KASH5: variants seen among roughly 807,000 people sequenced by gnomAD.
KASH5 encodes protein KASH5.
In KASH5, 72 loss-of-function variants were observed where a neutral mutation model predicts 84.2. The observed-to-expected ratio is 0.85, with a 90% confidence interval of 0.71 to 1.04. The LOEUF (loss-of-function observed/expected upper bound fraction) is 1.04, where lower values mean the gene tolerates loss of function less well. Ranked by LOEUF, KASH5 falls within the 50% of genes least tolerant of loss-of-function variation. The pLI, the probability that KASH5 is intolerant of heterozygous loss-of-function variation, is 0.00. For missense variants in KASH5, 650 were observed against 701.0 expected (o/e 0.93, Z 0.82); for synonymous variants, 260 against 279.1 (o/e 0.93, Z 0.68).
chr19:49,417,195 T>C lies in KASH5; in HGVS notation c.1476T>C (p.Pro492=), dbSNP rs778911372. ...ARRELQQALV[P]VMKKLVPVRR... is the part of the protein sequence containing the mutation. ...GGGAACTCCAGCAAGCCCTGGTGCC[T>C]GTGATGAAAAAGCTGGTCCCAGTCA... is the stretch of plus-strand genomic sequence containing the variant. The change falls in exon 19 of 20, where the codon CCT becomes CCC. Residue 492 remains proline, a synonymous_variant. Transcript: ENST00000447857. The surrounding 1 kb of genome is among the most constrained non-coding windows in gnomAD (Gnocchi z 5.2). The C allele has an allele frequency of 1.2e-6, 2 of 1,613,886 alleles. No individual in the cohort carries two copies. Among genetic ancestry groups the C allele is most frequent in the African/African-American group, 2.7e-5 (2 of 75,030 alleles).
chr19:49,405,893 T>C (rs1414061335), intron 9 of KASH5, among the ~76,000 whole-genome samples: 1 of 148,720 alleles, frequency 6.7e-6, no homozygotes, highest in African/African-American at 2.5e-5. Flanking sequence ...GAGGCAGAGG[T>C]TGCAGTGAAC....
At chr19:49,411,797 G>A (rs1460609371) in intron 15 of KASH5, among the ~76,000 whole-genome samples, 1 of 152,098 alleles carries the variant, frequency 6.6e-6, no homozygotes, top group East Asian at 1.9e-4. Flanking sequence ...ATGGGCCTGT[G>A]GGAGCCCAGA....
At chr19:49,398,565 C>G (rs1974261114) in intron 7 of KASH5, among the ~76,000 whole-genome samples, 1 of 152,072 alleles carries the variant, frequency 6.6e-6, no homozygotes, top group Non-Finnish European at 1.5e-5. Context: ...AATGAGTTCT[C>G]ACTGTGTTGC....
At chr19:49,392,040 G>A (rs1156902278) in intron 2 of KASH5, among the ~76,000 whole-genome samples, 1 of 152,190 alleles carries the variant, frequency 6.6e-6, no homozygotes, top group Admixed American at 6.6e-5. Flanking sequence ...TCTAGTGACA[G>A]CCATCTAAAC....
chr19:49,417,302 G>A lies in KASH5; in HGVS notation c.1547+36G>A, dbSNP rs1400469732. 13 of 1,594,600 alleles carry A rather than the reference G, an allele frequency of 8.2e-6. No homozygotes were observed. Among genetic ancestry groups the A allele is most frequent in the Non-Finnish European group, 1.0e-5 (12 of 1,170,350 alleles). ...AGGCGTCTCCAGAAGGAAGGAGGTG[G>A]TCTGACATTGGGAAGAGCAGGGGCT... On this transcript the variant is annotated intron_variant, in intron 19 of 19. Transcript: ENST00000447857. This position sits in a 1 kb window ranked among gnomAD's most constrained non-coding sequence, Gnocchi z 5.2.
chr19:49,408,764 A>G (rs540043702), intron 12 of KASH5, among the ~76,000 whole-genome samples: 1 of 152,248 alleles, frequency 6.6e-6, no homozygotes, highest in South Asian at 2.1e-4. Flanking sequence ...CCTGTGCTTT[A>G]GCTTCTGGAT....
At chr19:49,398,372 C>CT (rs764459352) in intron 7 of KASH5, among the ~76,000 whole-genome samples, 2,077 of 143,016 alleles carry the variant, frequency 0.015, 52 homozygotes, top group African/African-American at 0.045. Context: ...CTCTCTCTCT[C>CT]TTTTTTTTTT....
rs1974851003 is a variant in KASH5, at chr19:49,414,890, A to C, written c.1329-61A>C. On this transcript the variant is annotated intron_variant, in intron 16 of 19. Transcript: ENST00000447857. The surrounding 1 kb of genome is among the most constrained non-coding windows in gnomAD (Gnocchi z 4.5). ...CTCCAAGGCTTCTCTCCCAGCCCAT[A>C]GTAGGCAAAGGGAACCAGGGAGAAG... 6.3e-7 allele frequency: 1 copy of C among 1,576,486 alleles called. No homozygotes were observed. The highest frequency in any genetic ancestry group is 8.6e-7 in the Non-Finnish European group (1 of 1,158,976).
In KASH5 at chr19:49,391,612, C is replaced by T. The variant is rs536273977; in HGVS notation, c.43+686C>T. On this transcript the variant is annotated intron_variant, in intron 2 of 19. Coordinates refer to ENST00000447857, the MANE Select transcript of KASH5 (RefSeq NM_144688.5). ...ATGTATCCAGATAATCTGTTTTTTT[C>T]ATACTAAGCCCTAAAGATCTAGCGT... 5.3e-4 allele frequency: 81 copies of T among 151,966 alleles called. 1 individual carries two copies. The highest frequency in any genetic ancestry group is 1.9e-3 in the African/African-American group (80 of 41,390). The allele number at this position is 151,966 out of a possible 1,614,324, so 9.4% of individuals were successfully genotyped here. A position where few individuals can be genotyped will look rare whatever the true frequency, so the allele number is the denominator to read the frequency against.
intron 6 of KASH5, 106 bp downstream of exon 6, chr19:49,397,823 G>A: frequency 3.4e-6 from 5 of 1,472,148 alleles, no homozygotes; most frequent in Non-Finnish European, 4.7e-6. Flanking sequence ...ATGAATGAGG[G>A]ACGGGGCTTT....
At chr19:49,393,323 A>G (rs1264974927) in intron 2 of KASH5, 2 of 152,264 alleles carry the variant, frequency 1.3e-5, no homozygotes, top group Non-Finnish European at 2.9e-5. Flanking sequence ...GCCTTTCTAG[A>G]TTGTATCTCA....
In KASH5 at chr19:49,395,718, G is replaced by C; in HGVS notation, c.336-51G>C. ...CAATCCCCCTGCCTGTGGCTGGTGA[G>C]GACTGAGGGGCAGCTACAGTGGGGC... On this transcript the variant is annotated intron_variant, in intron 4 of 19. Coordinates refer to ENST00000447857, the MANE Select transcript of KASH5 (RefSeq NM_144688.5). The surrounding 1 kb of genome is among the most constrained non-coding windows in gnomAD (Gnocchi z 4.4). 1 of 1,526,726 alleles carries C rather than the reference G, an allele frequency of 6.5e-7. No individual in the cohort carries two copies. The highest frequency in any genetic ancestry group is 8.9e-7 in the Non-Finnish European group (1 of 1,126,580). The allele number at this position is 1,526,726 out of a possible 1,614,324, so 94.6% of individuals were successfully genotyped here.
chr19:49,399,107 C>T lies in KASH5; in HGVS notation c.712C>T (p.Gln238Ter). 6.4e-7 allele frequency: 1 copy of T among 1,551,638 alleles called. No homozygotes were observed. Among genetic ancestry groups the T allele is most frequent in the South Asian group, 1.2e-5 (1 of 84,056 alleles). Residue 238 changes from glutamine (Q) to a stop codon, truncating the protein, a stop_gained, in exon 8 of 20, where the codon CAG (glutamine) becomes TAG (stop). Transcript: ENST00000447857. LOFTEE classifies it high-confidence loss of function. The surrounding 1 kb of genome is among the most constrained non-coding windows in gnomAD (Gnocchi z 4.4). ...GACTCTGGCCAGGAGCCTGGAGGAA[C>T]AGAATCGCAGCCTTCTGGCCCAAGC... ...LKTLARSLEE[Q>*]NRSLLAQARQ...
Position 49,412,869 on chromosome 19 carries a change from T to C in KASH5, c.1270-99T>C. 8.3e-7 allele frequency: 1 copy of C among 1,197,662 alleles called. No homozygotes were observed. Among genetic ancestry groups the C allele is most frequent in the Non-Finnish European group, 1.2e-6 (1 of 820,186 alleles). 74.2% of individuals were successfully genotyped at this position (1,197,662 alleles called of 1,614,324 possible). A position where few individuals can be genotyped will look rare whatever the true frequency, so the allele number is the denominator to read the frequency against. On this transcript the variant is annotated intron_variant, in intron 15 of 19. Coordinates refer to ENST00000447857, the MANE Select transcript of KASH5 (RefSeq NM_144688.5). This position sits in a 1 kb window ranked among gnomAD's most constrained non-coding sequence, Gnocchi z 4.6. Reference sequence around the variant, plus strand: ...GTTGCAGCCTGGAAGACCTTTTGTATATGGGGTCTGGGACCGGCGGGGGAG... The same window carrying C: ...GTTGCAGCCTGGAAGACCTTTTGTACATGGGGTCTGGGACCGGCGGGGGAG...
chr19:49,391,686 G>A (rs1274853005), intron 2 of KASH5: 1 of 152,188 alleles, frequency 6.6e-6, no homozygotes, highest in Non-Finnish European at 1.5e-5. Context: ...CTCAGTTCAG[G>A]TGCTCCAGAA....
intron 9 of KASH5, among the ~76,000 whole-genome samples, chr19:49,400,658 G>C (rs1466801789): frequency 1.3e-5 from 2 of 151,936 alleles, no homozygotes; most frequent in East Asian, 3.8e-4. Flanking sequence ...CAAAATGCTG[G>C]GATTACAGAC....
At position 49,395,827 on chromosome 19, in the gene KASH5, C is replaced by T. The variant is rs1419722251; in HGVS notation, c.394C>T (p.Pro132Ser). The T allele has an allele frequency of 2.6e-6, 4 of 1,559,046 alleles. No individual in the cohort carries two copies. Among genetic ancestry groups the T allele is most frequent in the Non-Finnish European group, 3.5e-6 (4 of 1,151,454 alleles). ...GGGAGCCCTGACCTCCCGGCAACTG[C>T]CATCTGGTGAGATTGCTATATATAG... ...FQGALTSRQL[P>S]SGCPEAEEPA... Residue 132 changes from proline to serine, a missense_variant, in exon 5 of 20, where the codon CCA (proline) becomes TCA (serine). By Grantham distance (74) the Pro-to-Ser change is moderately conservative. Coordinates refer to ENST00000447857, the MANE Select transcript of KASH5 (RefSeq NM_144688.5). This position sits in a 1 kb window ranked among gnomAD's most constrained non-coding sequence, Gnocchi z 4.4.
At chr19:49,400,131 G>A (rs1366480461) in intron 9 of KASH5, among the ~76,000 whole-genome samples, 1 of 151,578 alleles carries the variant, frequency 6.6e-6, no homozygotes, top group Non-Finnish European at 1.5e-5. Context: ...AGGAGGCTGA[G>A]GTGGAAAGAC....
At position 49,409,032 on chromosome 19, in the gene KASH5, G is replaced by A. The variant is rs765702618; in HGVS notation, c.1058+1G>A. On this transcript the variant is annotated splice_donor_variant, in intron 13 of 19. Coordinates refer to ENST00000447857, the MANE Select transcript of KASH5 (RefSeq NM_144688.5). LOFTEE classifies it high-confidence loss of function. ...GTCAGACCTATGAGGGGCCCGATGA[G>A]TGAGTGGAATTTCAAGGGGTAGGAG... 1.3e-6 allele frequency: 2 copies of A among 1,590,494 alleles called. No individual in the cohort carries two copies. The highest frequency in any genetic ancestry group is 1.7e-6 in the Non-Finnish European group (2 of 1,168,708).
Sources: allele counts gnomAD v4.1 joint callset (sites outside exome capture counted in the v4.1 genomes callset), GRCh38; gene constraint gnomAD v4.1.1; non-coding constraint Gnocchi (gnomAD v3.1); transcripts MANE v1.5; gene names NCBI Gene and HGNC (gene_info 2026-07-23, HGNC 2026-07-21).